The following GRAMD4 variants were observed in gnomAD, a reference collection of about 807,000 sequenced individuals.
GRAMD4 encodes the protein GRAM domain-containing protein 4.
In GRAMD4, 25 loss-of-function variants were observed where a neutral mutation model predicts 83.9. The ratio of observed to expected loss-of-function variants is 0.30; its 90% CI spans 0.22 to 0.42. GRAMD4 has a LOEUF of 0.42. Ranked by LOEUF, GRAMD4 falls within the 10% of genes least tolerant of loss-of-function variation. The pLI, the probability that GRAMD4 is intolerant of heterozygous loss-of-function variation, is 1.00. For missense variants in GRAMD4, 593 were observed against 788.7 expected (o/e 0.75, Z 2.97); for synonymous variants, 336 against 320.9 (o/e 1.05, Z -0.50).
chr22:46,630,810 G>A (rs2081759761), intron 2 of GRAMD4, among the ~76,000 whole-genome samples: 1 of 152,262 alleles, frequency 6.6e-6, no homozygotes, highest in African/African-American at 2.4e-5. Flanking sequence ...TGGAAGTGCT[G>A]GACCGAGTGT....
chr22:46,612,896 G>T (rs970717819), intron 1 of GRAMD4, among the ~76,000 whole-genome samples: 1 of 152,236 alleles, frequency 6.6e-6, no homozygotes, highest in Non-Finnish European at 1.5e-5. Flanking sequence ...TGTTCTGTGT[G>T]CCATGGTTCT....
chr22:46,615,733 T>C (rs1293518958), upstream of GRAMD4, among the ~76,000 whole-genome samples: 2 of 34,232 alleles, frequency 5.8e-5, no homozygotes, highest in African/African-American at 1.1e-4. Flanking sequence ...TTCCCCCGTG[T>C]GTAGGTTCCC....
intron 1 of GRAMD4, among the ~76,000 whole-genome samples, chr22:46,602,766 T>C (rs903910936): frequency 4.1e-5 from 6 of 147,130 alleles, no homozygotes; most frequent in African/African-American, 1.5e-4. Flanking sequence ...TTTTCTCTTT[T>C]TTTTTTTTTT....
rs565053508 is a variant in GRAMD4 at position 46,678,068 on chromosome 22, T to C, written c.*817T>C. 29 of 985,554 alleles carry C rather than the reference T, an allele frequency of 2.9e-5. 1 individual carries two copies. In the African/African-American group the frequency reaches 3.3e-4, roughly 11 times the overall value. 61.1% of individuals were successfully genotyped at this position (985,554 alleles called of 1,614,324 possible). A position where few individuals can be genotyped will look rare whatever the true frequency, so the allele number is the denominator to read the frequency against. On this transcript the variant is annotated 3_prime_UTR_variant, in exon 19 of 19. Coordinates refer to ENST00000406902, the MANE Select transcript of GRAMD4 (RefSeq NM_015124.5). ...GGATGGTGCAGGTAAAAGCACATCT[T>C]TCTCACACTTTGCTCTTTGGAAGGC...
At chr22:46,581,485 C>T (rs888721893) in intron 1 of GRAMD4, among the ~76,000 whole-genome samples, 7 of 152,238 alleles carry the variant, frequency 4.6e-5, no homozygotes, top group African/African-American at 1.7e-4. Context: ...AACATTGCAG[C>T]CTTTCTGCCT....
chr22:46,587,331 G>A (rs2081160591), intron 1 of GRAMD4, among the ~76,000 whole-genome samples: 1 of 152,160 alleles, frequency 6.6e-6, no homozygotes, highest in African/African-American at 2.4e-5. Context: ...CTCCACCCAA[G>A]AAGTGAAACT....
intron 3 of GRAMD4, among the ~76,000 whole-genome samples, chr22:46,650,445 G>A (rs1199264374): frequency 7.9e-6 from 1 of 126,666 alleles, no homozygotes; most frequent in East Asian, 1.9e-4. Flanking sequence ...CATTGAGGCT[G>A]GGTGGACGGC....
intron 1 of GRAMD4, among the ~76,000 whole-genome samples, chr22:46,594,738 C>T (rs2081244235): frequency 6.7e-6 from 1 of 149,922 alleles, no homozygotes. Context: ...GTCCTGGTCC[C>T]AGGTGAGGTG....
rs116591161 is a variant in GRAMD4 at position 46,630,638 on chromosome 22, G to A, written c.162+3677G>A. Among the ~76,000 whole-genome samples the A allele has an allele frequency of 4.9e-3, 750 of 152,316 alleles. 5 individuals carry two copies. Among genetic ancestry groups the A allele is most frequent in the African/African-American group, 0.017 (689 of 41,568 alleles). ...AGTGCTCCAGGAGCTCTTCCGTGGCGGACCCCAAGCAGCCTCACTCCTGGC... is the reference window on the plus strand; with the variant it reads ...AGTGCTCCAGGAGCTCTTCCGTGGCAGACCCCAAGCAGCCTCACTCCTGGC... On this transcript the variant is annotated intron_variant, in intron 2 of 18. Transcript: ENST00000406902.
chr22:46,671,738 G>C (rs1465082254), intron 13 of GRAMD4, among the ~76,000 whole-genome samples: 1 of 151,342 alleles, frequency 6.6e-6, no homozygotes, highest in Non-Finnish European at 1.5e-5. Context: ...TACTCGAGAG[G>C]CTGAGGCAGG....
chr22:46,588,670 C>A (rs2081175698), intron 1 of GRAMD4, among the ~76,000 whole-genome samples: 1 of 152,178 alleles, frequency 6.6e-6, no homozygotes, highest in African/African-American at 2.4e-5. Context: ...GGGGTGCCCA[C>A]CCTTTCGTCC....
chr22:46,605,957 T>A (rs1418701381), intron 1 of GRAMD4, among the ~76,000 whole-genome samples: 17 of 108,944 alleles, frequency 1.6e-4, no homozygotes, highest in Non-Finnish European at 1.7e-4. Context: ...GGCTTATGGC[T>A]GGTGCTGAGC....
At chr22:46,617,599 G>A (rs2081521678), upstream of GRAMD4, among the ~76,000 whole-genome samples, 1 of 152,118 alleles carries the variant, frequency 6.6e-6, no homozygotes, top group Non-Finnish European at 1.5e-5. Context: ...CCCAGGCCTG[G>A]GCAGGATCCC....
intron 1 of GRAMD4, among the ~76,000 whole-genome samples, chr22:46,577,583 G>A (rs960638977): frequency 1.3e-4 from 19 of 151,992 alleles, no homozygotes; most frequent in African/African-American, 4.6e-4. Context: ...TGCGGGGCCC[G>A]GACTGGGGTG....
At chr22:46,616,556 T>G (rs1404863680), upstream of GRAMD4, among the ~76,000 whole-genome samples, 1 of 139,430 alleles carries the variant, frequency 7.2e-6, no homozygotes, top group African/African-American at 2.8e-5. Flanking sequence ...GTGTGCAGGT[T>G]CCCCTGTGTG....
chr22:46,577,361 G>T, intron 1 of GRAMD4: 1 of 931,444 alleles, frequency 1.1e-6, no homozygotes, highest in Non-Finnish European at 1.3e-6. Flanking sequence ...TTTTGGGCTG[G>T]CGGCTCGCGA....
rs377649528 is a variant in GRAMD4, at chr22:46,630,343, G to T, written c.162+3382G>T. Among the ~76,000 whole-genome samples, 10 of 152,266 alleles carry T rather than the reference G, an allele frequency of 6.6e-5. No homozygotes were observed. In the East Asian group the frequency reaches 1.9e-3, roughly 29 times the overall value. On this transcript the variant is annotated intron_variant, in intron 2 of 18. Coordinates refer to ENST00000406902, the MANE Select transcript of GRAMD4 (RefSeq NM_015124.5). The stretch of plus-strand genomic sequence containing the variant: ...GCCCGACCTGTTGTCTTTATTCATT[G>T]ATCTGTTGTGGGCGCTTGGGCAGTT...
At chr22:46,676,534 T>C (rs1204805815) in intron 17 of GRAMD4, 66 bp from the exon 18 acceptor site, 1 of 1,415,464 alleles carries the variant, frequency 7.1e-7, no homozygotes, top group Non-Finnish European at 9.7e-7. Flanking sequence ...GCCCTGGGCC[T>C]GTGGAGGGCT....
chr22:46,595,262 C>T (rs2081250522), intron 1 of GRAMD4, among the ~76,000 whole-genome samples: 1 of 152,186 alleles, frequency 6.6e-6, no homozygotes, highest in Non-Finnish European at 1.5e-5. Context: ...CTGCACGCCT[C>T]AGGGTTCTGG....
Sources: gnomAD v4.1 joint callset for allele counts (sites outside exome capture counted in the v4.1 genomes callset) on GRCh38, gnomAD v4.1.1 for gene constraint, MANE v1.5 for transcripts, NCBI Gene and HGNC (gene_info 2026-07-23, HGNC 2026-07-21) for gene names.